TMEM117: variants seen among roughly 807,000 people sequenced by gnomAD.
The protein encoded by TMEM117 is transmembrane protein 117.
In TMEM117, 27 loss-of-function variants were observed where a neutral mutation model predicts 52.4. The ratio of observed to expected loss-of-function variants is 0.51; its 90% CI spans 0.38 to 0.71. The LOEUF is 0.71. Ranked by LOEUF, TMEM117 falls within the 30% of genes least tolerant of loss-of-function variation. TMEM117 has a pLI of 0.00. For missense variants in TMEM117, 556 were observed against 630.5 expected, an observed-to-expected ratio of 0.88 and a Z score of 1.26; for synonymous variants, 215 against 206.3, an observed-to-expected ratio of 1.04 and a Z score of -0.36.
chr12:43,950,246 C>T (rs1432503296), intron 3 of TMEM117, among the ~76,000 whole-genome samples: 1 of 152,000 alleles, frequency 6.6e-6, no homozygotes, highest in East Asian at 1.9e-4. Flanking sequence ...TTCAAATGGC[C>T]CTGAATATAT....
At chr12:44,391,198 T>C (rs74085173), downstream of TMEM117, among the ~76,000 whole-genome samples, 2,857 of 152,224 alleles carry the variant, frequency 0.019, 98 homozygotes, top group African/African-American at 0.065. Flanking sequence ...TATCCTACAT[T>C]TATAAAGTAC....
intron 3 of TMEM117, among the ~76,000 whole-genome samples, chr12:44,117,235 C>T (rs1948159678): frequency 1.3e-5 from 2 of 152,188 alleles, no homozygotes; most frequent in Non-Finnish European, 2.9e-5. Context: ...ATTGTTTCTT[C>T]TACCTGAAAT....
At chr12:44,291,009 T>G (rs2138620483) in intron 5 of TMEM117, among the ~76,000 whole-genome samples, 1 of 152,268 alleles carries the variant, frequency 6.6e-6, no homozygotes, top group Admixed American at 6.5e-5. Flanking sequence ...TTTAGAAATG[T>G]TTTTCTGATT....
In TMEM117 at chr12:43,944,443, A is replaced by G; in HGVS notation, c.410+101A>G. The G allele has an allele frequency of 1.5e-5, 16 of 1,098,190 alleles. No homozygotes were observed. In the South Asian group the frequency reaches 2.4e-4, roughly 16 times the overall value. 68.0% of individuals were successfully genotyped at this position (1,098,190 alleles called of 1,614,324 possible). On this transcript the variant is annotated intron_variant, in intron 3 of 7. Transcript: ENST00000266534. Reference sequence around the variant, plus strand: ...TGTAGTAGTCTAAGTCTGCTTTACAAATATTCTACCCTAAGAAGAAGGAGT... The same window carrying G: ...TGTAGTAGTCTAAGTCTGCTTTACAGATATTCTACCCTAAGAAGAAGGAGT...
At chr12:43,894,764 A>G (rs1335338635) in intron 2 of TMEM117, among the ~76,000 whole-genome samples, 1 of 152,100 alleles carries the variant, frequency 6.6e-6, no homozygotes, top group Non-Finnish European at 1.5e-5. Context: ...CATGGTGTGT[A>G]TGTACATTTT....
At chr12:43,891,508 G>A (rs1944104553) in intron 2 of TMEM117, among the ~76,000 whole-genome samples, 1 of 150,978 alleles carries the variant, frequency 6.6e-6, no homozygotes, top group Non-Finnish European at 1.5e-5. Context: ...CAGTAGCTGG[G>A]ACTACAGGCA....
intron 2 of TMEM117, among the ~76,000 whole-genome samples, chr12:43,845,866 A>G (rs1488388811): frequency 6.6e-6 from 1 of 152,216 alleles, no homozygotes; most frequent in Non-Finnish European, 1.5e-5. Context: ...TGCAAAGGAC[A>G]TGAACTCATC....
chr12:44,328,193 A>G lies in TMEM117; in HGVS notation c.768+28454A>G, dbSNP rs547083894. Among the ~76,000 whole-genome samples, 34 of 152,218 alleles carry G rather than the reference A, an allele frequency of 2.2e-4. 1 individual carries two copies. In the South Asian group the frequency reaches 7.1e-3, roughly 32 times the overall value. ...ATACTAATTGTATTAGTTATGGCTG[A>G]TTTCCTTTGGAAGTTCTAAAACAGT... On this transcript the variant is annotated intron_variant, in intron 6 of 7. Transcript: ENST00000266534.
intron 5 of TMEM117, among the ~76,000 whole-genome samples, chr12:44,232,768 C>T (rs1450194019): frequency 2.6e-5 from 4 of 151,338 alleles, no homozygotes; most frequent in African/African-American, 9.7e-5. Context: ...TAATGTTTCT[C>T]AGTAAACAAT....
chr12:44,144,798 G>T (rs1948618173), intron 4 of TMEM117, among the ~76,000 whole-genome samples: 1 of 152,040 alleles, frequency 6.6e-6, no homozygotes, highest in African/African-American at 2.4e-5. Flanking sequence ...TGATTTATTT[G>T]TAATCTCTAG....
rs572022262 is a variant in TMEM117, at chr12:44,364,874, G to A, written c.769-11721G>A. Among the ~76,000 whole-genome samples the A allele has an allele frequency of 5.3e-5, 8 of 152,140 alleles. No homozygotes were observed. In the East Asian group the frequency reaches 7.7e-4, roughly 15 times the overall value. On this transcript the variant is annotated intron_variant, in intron 6 of 7. Transcript: ENST00000266534. Reference sequence around the variant, plus strand: ...AGTACAAATCTTAACCATCACATAAGTTCCTAAGAAACATAAAAGCTGTGT... The same window carrying A: ...AGTACAAATCTTAACCATCACATAAATTCCTAAGAAACATAAAAGCTGTGT...
rs117046957 is a variant in TMEM117, at chr12:44,118,646, T to G, written c.411-24879T>G. On this transcript the variant is annotated intron_variant, in intron 3 of 7. Coordinates refer to ENST00000266534, the MANE Select transcript of TMEM117 (RefSeq NM_032256.3). ...AAACTTTAGTAGAAATTGGTGAAAGTAAGGATTTTTGTGTGTGTGTTTTTG... is the reference window on the plus strand; with the variant it reads ...AAACTTTAGTAGAAATTGGTGAAAGGAAGGATTTTTGTGTGTGTGTTTTTG... Among the ~76,000 whole-genome samples the G allele has an allele frequency of 6.1e-4, 93 of 152,346 alleles. 1 individual carries two copies. The highest frequency in any genetic ancestry group is 5.7e-4 in the Non-Finnish European group (39 of 68,018).
intron 3 of TMEM117, among the ~76,000 whole-genome samples, chr12:44,002,754 A>G (rs1439126528): frequency 6.6e-6 from 1 of 151,916 alleles, no homozygotes; most frequent in Admixed American, 6.6e-5. Flanking sequence ...TTCCTTCTCT[A>G]CCAGTGTCCC....
At chr12:44,316,687 T>C (rs1212540457) in intron 6 of TMEM117, among the ~76,000 whole-genome samples, 1 of 152,184 alleles carries the variant, frequency 6.6e-6, no homozygotes, top group African/African-American at 2.4e-5. Context: ...CCAGATTGTT[T>C]ACTTTTTCTC....
intron 2 of TMEM117, among the ~76,000 whole-genome samples, chr12:43,924,749 T>G (rs1944750782): frequency 6.6e-6 from 1 of 152,186 alleles, no homozygotes; most frequent in East Asian, 1.9e-4. Context: ...TTCAGAATAA[T>G]TATAGAGCAC....
intron 5 of TMEM117, chr12:44,263,914 C>G (rs2138547399): frequency 6.6e-6 from 1 of 152,274 alleles, no homozygotes; most frequent in African/African-American, 2.4e-5. Context: ...AGTGAAGGTG[C>G]ATTTGTATCC....
chr12:43,870,824 G>T (rs1943690999), intron 2 of TMEM117, among the ~76,000 whole-genome samples: 2 of 151,992 alleles, frequency 1.3e-5, no homozygotes, highest in African/African-American at 4.8e-5. Context: ...CGCTGTTGTT[G>T]CCAGGGCTGG....
chr12:43,884,665 C>T (rs1283023746), intron 2 of TMEM117, among the ~76,000 whole-genome samples: 1 of 152,140 alleles, frequency 6.6e-6, no homozygotes, highest in Non-Finnish European at 1.5e-5. Flanking sequence ...GTTTGCCTGT[C>T]GTGGAGTCCT....
intron 2 of TMEM117, among the ~76,000 whole-genome samples, chr12:43,890,941 T>C (rs1296038044): frequency 6.6e-6 from 1 of 152,230 alleles, no homozygotes. Context: ...CATCTGACTT[T>C]TTTTTTTCTA....
Sources: gnomAD v4.1 joint callset for allele counts (sites outside exome capture counted in the v4.1 genomes callset) on GRCh38, gnomAD v4.1.1 for gene constraint, MANE v1.5 for transcripts, NCBI Gene and HGNC (gene_info 2026-07-23, HGNC 2026-07-21) for gene names.